Variants in ZNF292 observed in about 807,000 individuals in gnomAD.
ZNF292 encodes 16 zinc-finger domain protein.
In ZNF292, 26 loss-of-function variants were observed where a neutral mutation model predicts 217.9. The observed-to-expected ratio is 0.12, with a 90% CI of 0.09 to 0.17. The LOEUF is 0.17. Ranked by LOEUF, ZNF292 falls within the 10% of genes least tolerant of loss-of-function variation. The probability of loss-of-function intolerance (pLI) is 1.00; values close to 1 mark genes in which losing one functional copy is unlikely to be tolerated. For missense variants in ZNF292, 2,904 were observed against 3,175.2 expected, an observed-to-expected ratio of 0.91 and a Z score of 2.05; for synonymous variants, 1,257 against 1,124.1, an observed-to-expected ratio of 1.12 and a Z score of -2.37.
intron 7 of ZNF292, among the ~76,000 whole-genome samples, chr6:87,246,408 C>T (rs943968182): frequency 6.6e-6 from 1 of 152,116 alleles, no homozygotes. Flanking sequence ...GCTGAGATTG[C>T]AGGAATATTT....
At chr6:87,243,905 C>T (rs576487934) in intron 6 of ZNF292, among the ~76,000 whole-genome samples, 2 of 152,220 alleles carry the variant, frequency 1.3e-5, no homozygotes. Context: ...GCCACCATAA[C>T]ATTTTTTTAG....
intron 1 of ZNF292, among the ~76,000 whole-genome samples, chr6:87,212,886 A>G (rs1170742882): frequency 1.3e-5 from 2 of 152,262 alleles, no homozygotes; most frequent in Admixed American, 6.5e-5. Context: ...TTTCAGATCC[A>G]TAAGAAATAT....
At chr6:87,212,533 A>C (rs1192443066) in intron 1 of ZNF292, among the ~76,000 whole-genome samples, 2 of 152,240 alleles carry the variant, frequency 1.3e-5, no homozygotes, top group Non-Finnish European at 1.5e-5. Flanking sequence ...ACACTTACGT[A>C]GATTTCAAGG....
rs375576855 is a variant in ZNF292 at position 87,256,925 on chromosome 6, G to T, written c.3296G>T (p.Ser1099Ile). Residue 1099 changes from serine (S) to isoleucine (I), a missense_variant, in exon 8 of 8, where the codon AGC becomes ATC. Physicochemically the swap from Ser to Ile is moderately radical, Grantham distance 142. Transcript: ENST00000369577. ...VPPKAPVQKF[S>I]CQVEGCTRTY... ...CCAAAAGCTCCAGTTCAGAAATTCA[G>T]CTGCCAGGTCGAGGGATGTACTCGA... The T allele has an allele frequency of 5.0e-6, 8 of 1,613,684 alleles. No homozygotes were observed. Among genetic ancestry groups the T allele is most frequent in the Non-Finnish European group, 6.8e-6 (8 of 1,179,832 alleles).
chr6:87,239,778 C>T (rs1163927628), intron 5 of ZNF292, among the ~76,000 whole-genome samples: 1 of 149,550 alleles, frequency 6.7e-6, no homozygotes. Flanking sequence ...AGGCGCTCCC[C>T]ACATCTCAGA....
chr6:87,247,469 T>C (rs1265677514), intron 7 of ZNF292, among the ~76,000 whole-genome samples: 1 of 152,196 alleles, frequency 6.6e-6, no homozygotes, highest in East Asian at 1.9e-4. Context: ...TAGGAAGTTA[T>C]AACTACAAGT....
intron 4 of ZNF292, among the ~76,000 whole-genome samples, chr6:87,221,389 C>G (rs1773075442): frequency 6.6e-6 from 1 of 152,200 alleles, no homozygotes; most frequent in African/African-American, 2.4e-5. Context: ...TAATTCCCCT[C>G]TAAAACATCA....
intron 5 of ZNF292, among the ~76,000 whole-genome samples, chr6:87,235,020 A>C (rs1307297518): frequency 6.6e-6 from 1 of 152,198 alleles, no homozygotes; most frequent in Non-Finnish European, 1.5e-5. Flanking sequence ...GAGTGGAACC[A>C]TGGTCTGTAG....
chr6:87,240,746 C>T (rs1774236350), intron 5 of ZNF292, among the ~76,000 whole-genome samples: 1 of 152,018 alleles, frequency 6.6e-6, no homozygotes, highest in Non-Finnish European at 1.5e-5. Context: ...TTTAGAAGAA[C>T]AACAAAAATG....
Position 87,260,612 on chromosome 6 carries a change from T to C in ZNF292, c.6983T>C (p.Ile2328Thr). The C allele has an allele frequency of 6.2e-7, 1 of 1,612,570 alleles. No individual in the cohort carries two copies. The highest frequency in any genetic ancestry group is 8.5e-7 in the Non-Finnish European group (1 of 1,179,510). Residue 2328 changes from isoleucine to threonine, a missense_variant, in exon 8 of 8, where the codon ATA (isoleucine) becomes ACA (threonine). Transcript: ENST00000369577. ...CACAGCAGATGTGGAAAGGAAGGAATAAAAATGCCCAAGACCAAACGAAAG... is the reference window on the plus strand; with the variant it reads ...CACAGCAGATGTGGAAAGGAAGGAACAAAAATGCCCAAGACCAAACGAAAG... The part of the protein sequence containing the change: ...TKHSRCGKEG[I>T]KMPKTKRKKK...
At chr6:87,161,340 G>T (rs1422858617) in intron 1 of ZNF292, among the ~76,000 whole-genome samples, 1 of 152,208 alleles carries the variant, frequency 6.6e-6, no homozygotes, top group Non-Finnish European at 1.5e-5. Flanking sequence ...ATATAAATTA[G>T]TAAGATAATA....
At chr6:87,199,078 A>G (rs543854291) in intron 1 of ZNF292, among the ~76,000 whole-genome samples, 1 of 152,364 alleles carries the variant, frequency 6.6e-6, no homozygotes, top group Non-Finnish European at 1.5e-5. Flanking sequence ...ACTTTTTAAG[A>G]AACTGACTAT....
chr6:87,192,538 C>T (rs1771848319), intron 1 of ZNF292, among the ~76,000 whole-genome samples: 1 of 152,078 alleles, frequency 6.6e-6, no homozygotes, highest in Admixed American at 6.5e-5. Context: ...TCCACATACC[C>T]AGACCCCTCT....
At chr6:87,243,728 A>G (rs1774429251) in intron 6 of ZNF292, 117 bp downstream of exon 6, 1 of 975,080 alleles carries the variant, frequency 1.0e-6, no homozygotes, top group Non-Finnish European at 1.4e-6. Context: ...CAAAAGGCTT[A>G]TATTTAGATA....
intron 1 of ZNF292, among the ~76,000 whole-genome samples, chr6:87,164,464 T>C (rs1221708170): frequency 6.6e-6 from 1 of 152,230 alleles, no homozygotes; most frequent in East Asian, 1.9e-4. Flanking sequence ...ACACATACTA[T>C]GGGTACAGGG....
intron 4 of ZNF292, among the ~76,000 whole-genome samples, chr6:87,219,248 T>G (rs1354515145): frequency 1.3e-5 from 2 of 152,182 alleles, no homozygotes; most frequent in Non-Finnish European, 2.9e-5. Context: ...TGTATAACAC[T>G]TAATGTTTTT....
chr6:87,256,931 A>G lies in ZNF292; in HGVS notation c.3302A>G (p.Gln1101Arg). 3 of 1,613,892 alleles carry G rather than the reference A, an allele frequency of 1.9e-6. No homozygotes were observed. The highest frequency in any genetic ancestry group is 2.5e-6 in the Non-Finnish European group (3 of 1,179,834). ...GCTCCAGTTCAGAAATTCAGCTGCC[A>G]GGTCGAGGGATGTACTCGAACCTAT... ...PKAPVQKFSC[Q>R]VEGCTRTYNS... Residue 1101 changes from glutamine (Q) to arginine (R), a missense_variant, in exon 8 of 8, where the codon CAG becomes CGG. Gln to Arg is a conservative substitution (Grantham distance 43). This residue lies in a region of ZNF292 where 687 missense variants were observed against 623.0 expected (regional missense o/e 1.10). Coordinates refer to ENST00000369577, the MANE Select transcript of ZNF292 (RefSeq NM_015021.3).
intron 7 of ZNF292, among the ~76,000 whole-genome samples, chr6:87,251,549 A>G (rs751561037): frequency 6.6e-6 from 1 of 152,228 alleles, no homozygotes; most frequent in Non-Finnish European, 1.5e-5. Context: ...AATGTCACTT[A>G]GCTTTCTGTT....
rs140744513 is a variant in ZNF292, at chr6:87,218,418, G to T, written c.403-178G>T. On this transcript the variant is annotated intron_variant, in intron 3 of 7. Coordinates refer to ENST00000369577, the MANE Select transcript of ZNF292 (RefSeq NM_015021.3). Reference sequence around the variant, plus strand: ...TATTTATTTAAGATTTGTAAATGATGTATTTCTTATCCTTGAAATTCATCT... The same window carrying T: ...TATTTATTTAAGATTTGTAAATGATTTATTTCTTATCCTTGAAATTCATCT... Among the ~76,000 whole-genome samples, 420 of 152,212 alleles carry T rather than the reference G, an allele frequency of 2.8e-3. 3 individuals are homozygous for T. Among genetic ancestry groups the T allele is most frequent in the African/African-American group, 8.3e-3 (346 of 41,542 alleles).
Sources: gnomAD v4.1 joint callset for allele counts (sites outside exome capture counted in the v4.1 genomes callset) on GRCh38, gnomAD v4.1.1 for gene constraint, gnomAD v4.1.1 regional missense constraint, MANE v1.5 for transcripts, NCBI Gene and HGNC (gene_info 2026-07-23, HGNC 2026-07-21) for gene names.